Variants in RAD51B observed in about 807,000 individuals in gnomAD.
RAD51B encodes RAD51 paralog B.
RAD51B carries 38 observed loss-of-function variants against 42.2 expected under a neutral mutation model. The ratio of observed to expected loss-of-function variants is 0.90; its 90% CI spans 0.70 to 1.18. The LOEUF is 1.18. Among genes scored for constraint, RAD51B ranks in the 50% most tolerant of loss-of-function variants. The pLI, the probability that RAD51B is intolerant of heterozygous loss-of-function variation, is 0.00. For missense variants in RAD51B, 373 were observed against 400.7 expected, an observed-to-expected ratio of 0.93 and a Z score of 0.59; for synonymous variants, 154 against 145.2, an observed-to-expected ratio of 1.06 and a Z score of -0.43.
At chr14:68,005,352 C>T (rs1027960995) in intron 7 of RAD51B, among the ~76,000 whole-genome samples, 1 of 151,980 alleles carries the variant, frequency 6.6e-6, no homozygotes, top group Admixed American at 6.6e-5. Context: ...ATGCCTGGCC[C>T]ATTCTACTGA....
At chr14:68,051,846 T>C (rs924773258) in intron 7 of RAD51B, among the ~76,000 whole-genome samples, 2 of 151,318 alleles carry the variant, frequency 1.3e-5, no homozygotes, top group Non-Finnish European at 2.9e-5. Context: ...CAAGCGATTC[T>C]CCCATACGCA....
intron 4 of RAD51B, among the ~76,000 whole-genome samples, chr14:67,859,574 A>G (rs2042098515): frequency 6.6e-6 from 1 of 152,264 alleles, no homozygotes; most frequent in Non-Finnish European, 1.5e-5. Flanking sequence ...GGAAGCCATC[A>G]TAATTAATGA....
At chr14:68,072,043 A>ATATATATAATTATATATATAAT (rs1555350965) in intron 7 of RAD51B, among the ~76,000 whole-genome samples, 10 of 125,574 alleles carry the variant, frequency 8.0e-5, no homozygotes, top group African/African-American at 3.2e-4. Context: ...GATTTTATAT[A>ATATATATAATTATATATATAAT]TATATATAAT....
chr14:68,584,793 A>G (rs908596418), intron 10 of RAD51B, among the ~76,000 whole-genome samples: 2 of 152,234 alleles, frequency 1.3e-5, no homozygotes, highest in African/African-American at 4.8e-5. Context: ...TTTATAACAT[A>G]TGGCATTTTT....
At position 68,679,578 on chromosome 14, in the gene RAD51B, C is replaced by A. The variant is rs77191156; in HGVS notation, c.*11+28722C>A. On this transcript the variant is annotated intron_variant, in intron 11 of 11. Transcript: ENST00000488612. The stretch of plus-strand genomic sequence containing the variant: ...CTGGTGTCTAGGAAAGGCCACAGAA[C>A]TTTCAGGTACTGTGAAAATACAGTA... Among the ~76,000 whole-genome samples, 89 of 152,378 alleles carry A rather than the reference C, an allele frequency of 5.8e-4. 2 individuals carry two copies. In the East Asian group the frequency reaches 0.016, roughly 28 times the overall value.
At chr14:68,199,996 A>T (rs2079450448) in intron 7 of RAD51B, among the ~76,000 whole-genome samples, 1 of 152,166 alleles carries the variant, frequency 6.6e-6, no homozygotes, top group Non-Finnish European at 1.5e-5. Context: ...GTACCCTTTG[A>T]TGTTTATATT....
chr14:68,404,745 T>G (rs539436118), intron 8 of RAD51B, among the ~76,000 whole-genome samples: 69 of 152,318 alleles, frequency 4.5e-4, no homozygotes, highest in African/African-American at 1.6e-3. Context: ...TGAGTGAGAT[T>G]AAGTAACTTG....
intron 11 of RAD51B, among the ~76,000 whole-genome samples, chr14:68,655,543 G>T (rs578106186): frequency 6.6e-6 from 1 of 152,232 alleles, no homozygotes; most frequent in Non-Finnish European, 1.5e-5. Flanking sequence ...GGGCAGGCGT[G>T]TGGGGGAGAT....
intron 7 of RAD51B, among the ~76,000 whole-genome samples, chr14:67,960,021 G>A (rs1215513742): frequency 2.0e-5 from 3 of 151,716 alleles, no homozygotes; most frequent in Admixed American, 2.0e-4. Context: ...GGAGGCGGAG[G>A]TTGCAATGAG....
At chr14:67,848,219 A>G (rs1481657876) in intron 4 of RAD51B, among the ~76,000 whole-genome samples, 3 of 152,094 alleles carry the variant, frequency 2.0e-5, no homozygotes, top group African/African-American at 7.2e-5. Context: ...GGGTTTCACC[A>G]TGTCGGCCAG....
intron 7 of RAD51B, among the ~76,000 whole-genome samples, chr14:68,135,457 A>G (rs543892873): frequency 1.3e-4 from 20 of 152,312 alleles, no homozygotes; most frequent in Middle Eastern, 6.8e-3. Context: ...AATACTGCAC[A>G]CCTACCAGCT....
In RAD51B at chr14:67,886,609, T is replaced by C. The variant is rs150791536; in HGVS notation, c.573-412T>C. The C allele has an allele frequency of 1.3e-5, 3 of 229,636 alleles. No homozygotes were observed. In the East Asian group the frequency reaches 1.9e-4, roughly 14 times the overall value. 14.2% of individuals were successfully genotyped at this position (229,636 alleles called of 1,614,324 possible). On this transcript the variant is annotated intron_variant, in intron 6 of 10. Coordinates refer to ENST00000471583, the MANE Select transcript of RAD51B (RefSeq NM_133510.4). ...CCAAGATGGAAGCTGTAGTCTTTTA[T>C]AACCCACACTCAGAAATAAGGTACC...
chr14:67,866,025 GC>G (rs2042327337), intron 5 of RAD51B, among the ~76,000 whole-genome samples: 1 of 152,194 alleles, frequency 6.6e-6, no homozygotes, highest in Admixed American at 6.5e-5. Flanking sequence ...TTCAGATCCA[GC>G]CACCAATTTA....
chr14:68,300,935 T>G (rs1272344126), intron 8 of RAD51B, among the ~76,000 whole-genome samples: 1 of 152,222 alleles, frequency 6.6e-6, no homozygotes. Flanking sequence ...AGTGGAGAAC[T>G]CTGTGTCTGT....
At position 68,291,241 on chromosome 14, in the gene RAD51B, C is replaced by T. The variant is rs113104364; in HGVS notation, c.757-643C>T. Among the ~76,000 whole-genome samples the T allele has an allele frequency of 4.7e-3, 711 of 151,690 alleles. 4 individuals are homozygous for T. The highest frequency in any genetic ancestry group is 6.8e-3 in the Non-Finnish European group (461 of 67,908). On this transcript the variant is annotated intron_variant, in intron 7 of 10. Coordinates refer to ENST00000471583, the MANE Select transcript of RAD51B (RefSeq NM_133510.4). ...GAGATGGAATTTCGCTCTTGTTGTC[C>T]AGGCTAGAGTGCAATGGTGCAATCT...
intron 7 of RAD51B, among the ~76,000 whole-genome samples, chr14:68,146,467 G>T (rs1366733532): frequency 6.6e-6 from 1 of 151,704 alleles, no homozygotes; most frequent in Non-Finnish European, 1.5e-5. Flanking sequence ...TAGAATCGTC[G>T]CAGGAGGTGA....
At chr14:68,312,937 G>GA (rs935838217) in intron 8 of RAD51B, among the ~76,000 whole-genome samples, 3 of 152,286 alleles carry the variant, frequency 2.0e-5, no homozygotes, top group African/African-American at 7.2e-5. Context: ...ACTAACCACA[G>GA]AAAAAGCCCT....
intron 10 of RAD51B, among the ~76,000 whole-genome samples, chr14:68,514,762 T>C (rs1345827443): frequency 6.6e-6 from 1 of 152,242 alleles, no homozygotes; most frequent in Non-Finnish European, 1.5e-5. Context: ...TGGAATCCCC[T>C]TCACCTGCTT....
At chr14:68,409,594 G>A (rs1022895140) in intron 8 of RAD51B, among the ~76,000 whole-genome samples, 2 of 152,150 alleles carry the variant, frequency 1.3e-5, no homozygotes, top group Non-Finnish European at 2.9e-5. Context: ...TGCCAAGGAA[G>A]GGGGAAGCTT....
Sources: gnomAD v4.1 joint callset for allele counts (sites outside exome capture counted in the v4.1 genomes callset) on GRCh38, gnomAD v4.1.1 for gene constraint, MANE v1.5 for transcripts, NCBI Gene and HGNC (gene_info 2026-07-23, HGNC 2026-07-21) for gene names.